LRRK1: variants seen among roughly 807,000 people sequenced by gnomAD.
The protein encoded by LRRK1 is leucine rich repeat kinase 1.
A neutral mutation model predicts 209.1 loss-of-function variants in LRRK1; 113 were observed. The ratio of observed to expected loss-of-function variants is 0.54; its 90% CI spans 0.46 to 0.63. LRRK1 has a LOEUF of 0.63. Ranked by LOEUF, LRRK1 falls within the 30% of genes least tolerant of loss-of-function variation. LRRK1 has a pLI of 0.00. For synonymous variants in LRRK1, 1,144 were observed against 1,099.7 expected, an observed-to-expected ratio of 1.04 and a Z score of -0.80; for missense variants, 2,284 against 2,632.2, an observed-to-expected ratio of 0.87 and a Z score of 2.89.
chr15:100,989,728 A>G, intron 6 of LRRK1: 1 of 420,038 alleles, frequency 2.4e-6, no homozygotes, highest in South Asian at 7.0e-5. Context: ...TAATGGTCCC[A>G]TCCTTATCAC....
intron 16 of LRRK1, 102 bp from the exon 17 acceptor site, chr15:101,025,863 C>T: frequency 1.6e-6 from 2 of 1,251,286 alleles, no homozygotes; most frequent in Non-Finnish European, 1.1e-6. Flanking sequence ...TGAGCAAGGG[C>T]CGTGGCATCC....
chr15:101,042,476 A>T (rs904436746), intron 20 of LRRK1, among the ~76,000 whole-genome samples: 1 of 151,870 alleles, frequency 6.6e-6, no homozygotes, highest in Non-Finnish European at 1.5e-5. Context: ...GCTGCAGCCC[A>T]GGGGCCTCTG....
chr15:101,008,303 G>A (rs933151504), intron 6 of LRRK1, among the ~76,000 whole-genome samples: 1 of 152,110 alleles, frequency 6.6e-6, no homozygotes, highest in African/African-American at 2.4e-5. Context: ...TGTGGCCATC[G>A]TCTGTCTGTA....
At chr15:101,066,299 G>T in intron 32 of LRRK1, 94 bp downstream of exon 32, 1 of 1,460,170 alleles carries the variant, frequency 6.8e-7, no homozygotes, top group Non-Finnish European at 9.1e-7. Context: ...TTCCTTACAG[G>T]TCATGTGGGG....
At chr15:100,994,464 G>A (rs1332463030) in intron 6 of LRRK1, among the ~76,000 whole-genome samples, 1 of 152,156 alleles carries the variant, frequency 6.6e-6, no homozygotes, top group Non-Finnish European at 1.5e-5. Flanking sequence ...CAGTGGCTCC[G>A]ATTTTCTTGG....
At position 101,027,578 on chromosome 15, in the gene LRRK1, C is replaced by T; in HGVS notation, c.2527-60C>T. On this transcript the variant is annotated intron_variant, in intron 18 of 33. Transcript: ENST00000388948. This position sits in a 1 kb window ranked among gnomAD's most constrained non-coding sequence, Gnocchi z 5.1. ...GCCACAGGGGCCGGGCAGGATCTGC[C>T]CAAGCTGGCAGGTGTGCCTTGGGAC... 6.3e-7 allele frequency: 1 copy of T among 1,582,048 alleles called. No homozygotes were observed.
At chr15:101,016,056 C>T (rs926552149) in intron 12 of LRRK1, among the ~76,000 whole-genome samples, 23 of 150,514 alleles carry the variant, frequency 1.5e-4, no homozygotes, top group Non-Finnish European at 2.5e-4. Flanking sequence ...GTGGCGCGAT[C>T]TTGGCTCCCT....
At chr15:100,995,144 C>T (rs1173092248) in intron 6 of LRRK1, among the ~76,000 whole-genome samples, 3 of 152,216 alleles carry the variant, frequency 2.0e-5, no homozygotes, top group East Asian at 3.9e-4. Flanking sequence ...ACGGGCCACG[C>T]GATGATGTCT....
chr15:101,057,460 G>A (rs376383529), intron 28 of LRRK1, among the ~76,000 whole-genome samples: 123 of 152,258 alleles, frequency 8.1e-4, no homozygotes, highest in African/African-American at 2.9e-3. Flanking sequence ...TTGTGTTTTT[G>A]GAAGAGGCTA....
chr15:101,016,605 C>T (rs540918148), intron 12 of LRRK1, among the ~76,000 whole-genome samples: 7 of 152,298 alleles, frequency 4.6e-5, no homozygotes, highest in East Asian at 3.9e-4. Flanking sequence ...ATTAGAGCTT[C>T]GACATATGAA....
At chr15:100,971,743 G>C (rs2141649864) in intron 2 of LRRK1, among the ~76,000 whole-genome samples, 1 of 152,136 alleles carries the variant, frequency 6.6e-6, no homozygotes, top group East Asian at 1.9e-4. Flanking sequence ...CTGTATGCTT[G>C]TACCCTTTAA....
rs1035793230 is a variant in LRRK1, at chr15:101,024,628, T to G, written c.2068-175T>G. 1.3e-5 allele frequency among the ~76,000 whole-genome samples: 2 copies of G among 152,250 alleles called. No homozygotes were observed. Among genetic ancestry groups the G allele is most frequent in the South Asian group, 4.1e-4 (2 of 4,832 alleles). ...GCCCACCCCCATGCCACCGGGCCCC[T>G]GTCCCTCGCCCAGATAACTGTTTCC... On this transcript the variant is annotated intron_variant, in intron 15 of 33. Transcript: ENST00000388948. The surrounding 1 kb of genome is among the most constrained non-coding windows in gnomAD (Gnocchi z 4.6).
rs912683460 is a variant in LRRK1, at chr15:101,069,657, G to C, written c.*809G>C. On this transcript the variant is annotated 3_prime_UTR_variant, in exon 34 of 34. Coordinates refer to ENST00000388948, the MANE Select transcript of LRRK1 (RefSeq NM_024652.6). ...TGGACGCAGCTGGAGCACAGGCCCTGTTTGTTTGCACATAATAATCTTGTT... is the reference window on the plus strand; with the variant it reads ...TGGACGCAGCTGGAGCACAGGCCCTCTTTGTTTGCACATAATAATCTTGTT... 1.3e-5 allele frequency: 2 copies of C among 152,658 alleles called. No individual in the cohort carries two copies. Among genetic ancestry groups the C allele is most frequent in the African/African-American group, 2.4e-5 (1 of 41,466 alleles). 9.5% of individuals were successfully genotyped at this position (152,658 alleles called of 1,614,324 possible).
At position 101,010,848 on chromosome 15, in the gene LRRK1, C is replaced by T. The variant is rs1407136647; in HGVS notation, c.1281+11C>T. On this transcript the variant is annotated intron_variant, in intron 9 of 33. Coordinates refer to ENST00000388948, the MANE Select transcript of LRRK1 (RefSeq NM_024652.6). ...TGGGCCTGCCCTTTGGTGAGTATCA[C>T]ACCAAAAGTCATGAAAGCCACAGTC... The T allele has an allele frequency of 1.1e-5, 17 of 1,603,216 alleles. No homozygotes were observed. The highest frequency in any genetic ancestry group is 1.4e-5 in the Non-Finnish European group (17 of 1,176,684).
chr15:101,060,495 T>G (rs1183457194), intron 29 of LRRK1, among the ~76,000 whole-genome samples: 1 of 152,244 alleles, frequency 6.6e-6, no homozygotes, highest in Non-Finnish European at 1.5e-5. Flanking sequence ...TCAACAGCTT[T>G]TTAAAATTTG....
intron 30 of LRRK1, 92 bp downstream of exon 30, chr15:101,061,380 GC>G: frequency 1.2e-6 from 1 of 826,758 alleles, no homozygotes; most frequent in Non-Finnish European, 2.0e-6. Flanking sequence ...AATACAGGAC[GC>G]CAGGTCAAGT....
At chr15:100,986,051 T>C (rs539923868) in intron 4 of LRRK1, among the ~76,000 whole-genome samples, 1 of 150,084 alleles carries the variant, frequency 6.7e-6, no homozygotes, top group Non-Finnish European at 1.5e-5. Context: ...AAAAAAAAAA[T>C]TTAAATTAAC....
At chr15:101,057,285 T>G (rs570603590) in intron 28 of LRRK1, among the ~76,000 whole-genome samples, 100 of 152,198 alleles carry the variant, frequency 6.6e-4, no homozygotes, top group African/African-American at 2.3e-3. Flanking sequence ...TTGTGTTACT[T>G]CACCGTGCAA....
intron 2 of LRRK1, among the ~76,000 whole-genome samples, chr15:100,938,796 C>T (rs947926309): frequency 6.6e-6 from 1 of 152,004 alleles, no homozygotes; most frequent in African/African-American, 2.4e-5. Context: ...CAGGCTGGAC[C>T]CTTGGCTGGA....
Sources: gnomAD v4.1 joint callset for allele counts (sites outside exome capture counted in the v4.1 genomes callset) on GRCh38, gnomAD v4.1.1 for gene constraint, Gnocchi (gnomAD v3.1) non-coding constraint, MANE v1.5 for transcripts, NCBI Gene and HGNC (gene_info 2026-07-23, HGNC 2026-07-21) for gene names.